The following TNRC6B variants were observed in gnomAD, a reference collection of about 807,000 sequenced individuals.
The protein encoded by TNRC6B is trinucleotide repeat-containing gene 6B protein.
In TNRC6B, 52 loss-of-function variants were observed where a neutral mutation model predicts 203.6. That is an observed-to-expected ratio of 0.26 (90% confidence interval 0.20 to 0.32). The LOEUF (loss-of-function observed/expected upper bound fraction) is 0.32. TNRC6B is among the 10% of genes least tolerant of loss of function. The pLI is 1.00. For missense variants in TNRC6B, 1,923 were observed against 2,286.2 expected, an observed-to-expected ratio of 0.84 and a Z score of 3.24; for synonymous variants, 838 against 845.7, an observed-to-expected ratio of 0.99 and a Z score of 0.16.
intron 1 of TNRC6B, among the ~76,000 whole-genome samples, chr22:40,063,612 A>G (rs1417587462): frequency 6.6e-6 from 1 of 152,208 alleles, no homozygotes; most frequent in Non-Finnish European, 1.5e-5. Context: ...TTCAGCGTAT[A>G]AGTGTTGCAC....
intron 3 of TNRC6B, among the ~76,000 whole-genome samples, chr22:40,143,705 C>T (rs896014189): frequency 3.3e-4 from 50 of 152,250 alleles, no homozygotes; most frequent in African/African-American, 1.2e-3. Flanking sequence ...ACCGTGTTAG[C>T]CAGGATGGTC....
intron 1 of TNRC6B, among the ~76,000 whole-genome samples, chr22:40,189,498 C>CAAA (rs56029573): frequency 8.9e-6 from 1 of 112,282 alleles, no homozygotes; most frequent in Non-Finnish European, 2.0e-5. Flanking sequence ...TTTGTCTGCC[C>CAAA]AAAAAAAAAA....
At chr22:40,081,294 T>C (rs984483755) in intron 1 of TNRC6B, among the ~76,000 whole-genome samples, 1 of 149,370 alleles carries the variant, frequency 6.7e-6, no homozygotes, top group Non-Finnish European at 1.5e-5. Flanking sequence ...GATATTCCTT[T>C]AAGTGTCTGC....
intron 2 of TNRC6B, among the ~76,000 whole-genome samples, chr22:40,250,659 A>G (rs1241725565): frequency 6.6e-6 from 1 of 152,208 alleles, no homozygotes; most frequent in Non-Finnish European, 1.5e-5. Context: ...TCAATAGATA[A>G]TAGAAAACTG....
chr22:40,082,924 G>A (rs181971509), intron 1 of TNRC6B, among the ~76,000 whole-genome samples: 4 of 152,278 alleles, frequency 2.6e-5, no homozygotes, highest in Admixed American at 2.0e-4. Flanking sequence ...TATTAAGTCC[G>A]AGATGCTTTG....
intron 5 of TNRC6B, among the ~76,000 whole-genome samples, 167 bp from the exon 6 acceptor site, chr22:40,269,955 A>G (rs1033283918): frequency 1.3e-5 from 2 of 151,468 alleles, no homozygotes; most frequent in Non-Finnish European, 2.9e-5. Flanking sequence ...TGTGCATCGG[A>G]TTTTTTAAAA....
chr22:40,255,626 T>A (rs1051383089), intron 3 of TNRC6B, among the ~76,000 whole-genome samples: 1 of 152,138 alleles, frequency 6.6e-6, no homozygotes, highest in African/African-American at 2.4e-5. Flanking sequence ...TCCAATAAAT[T>A]GGCATGAAAA....
intron 4 of TNRC6B, among the ~76,000 whole-genome samples, chr22:40,163,040 GTC>G (rs1204861393): frequency 6.6e-6 from 1 of 151,966 alleles, no homozygotes; most frequent in Non-Finnish European, 1.5e-5. Flanking sequence ...TTTCCCAGAA[GTC>G]TCAGAATCGT....
chr22:40,195,855 C>T (rs1224864947), intron 1 of TNRC6B, among the ~76,000 whole-genome samples: 2 of 152,222 alleles, frequency 1.3e-5, no homozygotes, highest in Non-Finnish European at 2.9e-5. Flanking sequence ...CTGCAAGCTC[C>T]ACCTCCCAGG....
rs980446274 is a variant in TNRC6B at position 40,330,798 on chromosome 22, G to A, written c.*7557G>A. 1 of 152,618 alleles carries A rather than the reference G, an allele frequency of 6.6e-6. No individual in the cohort carries two copies. Among genetic ancestry groups the A allele is most frequent in the African/African-American group, 2.4e-5 (1 of 41,438 alleles). 9.5% of individuals were successfully genotyped at this position (152,618 alleles called of 1,614,324 possible). A position where few individuals can be genotyped will look rare whatever the true frequency, so the allele number is the denominator to read the frequency against. On this transcript the variant is annotated 3_prime_UTR_variant, in exon 23 of 23. Transcript: ENST00000454349. Reference sequence around the variant, plus strand: ...ACAAACAAACAGACGGTCAGCTTTAGTCATTAGGGAAGTCAAAGTTCCTCC... The same window carrying A: ...ACAAACAAACAGACGGTCAGCTTTAATCATTAGGGAAGTCAAAGTTCCTCC...
At position 40,102,851 on chromosome 22, in the gene TNRC6B, G is replaced by A. The variant is rs761102815; in HGVS notation, c.-120-14204G>A. Among the ~76,000 whole-genome samples the A allele has an allele frequency of 1.3e-4, 20 of 152,108 alleles. 1 individual carries two copies. Among genetic ancestry groups the A allele is most frequent in the African/African-American group, 3.4e-4 (14 of 41,420 alleles). On this transcript the variant is annotated intron_variant, in intron 1 of 23. Coordinates refer to the TNRC6B transcript ENST00000301923. ...CCCAGCACTTTGGGAGGCTGAGGCCGGTGGATCACGAGGTCAGGAGACGGA... is the reference window on the plus strand; with the variant it reads ...CCCAGCACTTTGGGAGGCTGAGGCCAGTGGATCACGAGGTCAGGAGACGGA...
At chr22:40,059,947 T>G (rs1017651968) in intron 1 of TNRC6B, among the ~76,000 whole-genome samples, 3 of 150,606 alleles carry the variant, frequency 2.0e-5, no homozygotes, top group African/African-American at 7.3e-5. Context: ...CTCAGCCTCC[T>G]GAGTAGCTGG....
Position 40,125,579 on chromosome 22 carries a change from C to T in TNRC6B, c.-46-193C>T, listed in dbSNP as rs946916953. Among the ~76,000 whole-genome samples, 4 of 152,316 alleles carry T rather than the reference C, an allele frequency of 2.6e-5. No individual in the cohort carries two copies. In the East Asian group the frequency reaches 7.7e-4, roughly 29 times the overall value. The stretch of plus-strand genomic sequence containing the variant: ...CTTCTCCCCCAAGATGGGAAACATT[C>T]CCTCCCTGCTTCTCTCCCTCCCTTT... On this transcript the variant is annotated intron_variant, in intron 2 of 23. Coordinates refer to the TNRC6B transcript ENST00000301923.
At chr22:40,241,180 T>C (rs981437329) in intron 1 of TNRC6B, among the ~76,000 whole-genome samples, 10 of 152,194 alleles carry the variant, frequency 6.6e-5, no homozygotes, top group African/African-American at 9.7e-5. Flanking sequence ...TGTATGATTT[T>C]AAAAAGCCTC....
intron 2 of TNRC6B, among the ~76,000 whole-genome samples, chr22:40,246,971 C>T (rs527977406): frequency 3.9e-4 from 60 of 152,298 alleles, no homozygotes; most frequent in Middle Eastern, 3.4e-3. Context: ...CAACGGCTGT[C>T]ACCTGTCAGG....
In TNRC6B at chr22:40,333,429, A is replaced by G. The variant is rs2044002763; in HGVS notation, c.*10188A>G. 1 of 152,642 alleles carries G rather than the reference A, an allele frequency of 6.6e-6. No individual in the cohort carries two copies. Among genetic ancestry groups the G allele is most frequent in the Admixed American group, 6.5e-5 (1 of 15,280 alleles). The allele number at this position is 152,642 out of a possible 1,614,324, so 9.5% of individuals were successfully genotyped here. ...TCCAGCAATCTAGTGCCAGGGTAAGAAGTGTCTGAATTTCTCTCTTCCAGC... is the reference window on the plus strand; with the variant it reads ...TCCAGCAATCTAGTGCCAGGGTAAGGAGTGTCTGAATTTCTCTCTTCCAGC... On this transcript the variant is annotated 3_prime_UTR_variant, in exon 23 of 23. Transcript: ENST00000454349.
intron 1 of TNRC6B, among the ~76,000 whole-genome samples, chr22:40,076,603 C>A (rs990715933): frequency 2.0e-5 from 3 of 152,142 alleles, no homozygotes; most frequent in African/African-American, 7.2e-5. Flanking sequence ...AGCCTCTCTC[C>A]CTTTGCCCAG....
chr22:40,299,200 G>T (rs1414381748), intron 12 of TNRC6B, among the ~76,000 whole-genome samples: 3 of 150,248 alleles, frequency 2.0e-5, no homozygotes, highest in Non-Finnish European at 4.4e-5. Context: ...AGGCAGAGCT[G>T]GGATTACAAA....
chr22:40,281,020 C>T, intron 10 of TNRC6B, 99 bp from the exon 11 acceptor site: 2 of 1,054,584 alleles, frequency 1.9e-6, no homozygotes, highest in Non-Finnish European at 1.3e-6. Flanking sequence ...TACACTCTAA[C>T]TTTGTTTATT....
Sources: gnomAD v4.1 joint callset for allele counts (sites outside exome capture counted in the v4.1 genomes callset) on GRCh38, gnomAD v4.1.1 for gene constraint, MANE v1.5 for transcripts, NCBI Gene and HGNC (gene_info 2026-07-23, HGNC 2026-07-21) for gene names.